The following RALGAPA1 variants were observed in gnomAD, a reference collection of about 807,000 sequenced individuals.
The protein encoded by RALGAPA1 is ral GTPase-activating protein subunit alpha-1.
In RALGAPA1, 52 loss-of-function variants were observed where a neutral mutation model predicts 269.6. That is an observed-to-expected ratio of 0.19 (90% CI 0.15 to 0.24). RALGAPA1 has a LOEUF of 0.24. Ranked by LOEUF, RALGAPA1 falls within the 10% of genes least tolerant of loss-of-function variation. RALGAPA1 has a pLI of 1.00. For synonymous variants in RALGAPA1, 817 were observed against 1,008.3 expected, an observed-to-expected ratio of 0.81 and a Z score of 3.60; for missense variants, 1,917 against 3,013.9, an observed-to-expected ratio of 0.64 and a Z score of 8.52.
chr14:35,662,661 C>T (rs1267240672), intron 27 of RALGAPA1, among the ~76,000 whole-genome samples: 1 of 152,044 alleles, frequency 6.6e-6, no homozygotes, highest in African/African-American at 2.4e-5. Flanking sequence ...ATATAGTAGG[C>T]GAGGCTAACC....
intron 17 of RALGAPA1, among the ~76,000 whole-genome samples, chr14:35,691,905 T>C (rs1446589149): frequency 6.6e-6 from 1 of 152,160 alleles, no homozygotes; most frequent in Non-Finnish European, 1.5e-5. Context: ...AAAATGACAT[T>C]GTTTTTCTTC....
chr14:35,788,785 G>C (rs1202597560), intron 1 of RALGAPA1, among the ~76,000 whole-genome samples: 1 of 151,956 alleles, frequency 6.6e-6, no homozygotes, highest in Non-Finnish European at 1.5e-5. Flanking sequence ...TTACATTATG[G>C]ACCTTAGTTT....
At chr14:35,555,774 G>A (rs1454171786) in intron 39 of RALGAPA1, among the ~76,000 whole-genome samples, 2 of 152,162 alleles carry the variant, frequency 1.3e-5, no homozygotes, top group African/African-American at 4.8e-5. Flanking sequence ...AGCTGCTGAT[G>A]GATAGAGCTG....
At chr14:35,644,110 T>C (rs1465224977) in intron 31 of RALGAPA1, among the ~76,000 whole-genome samples, 12 of 152,182 alleles carry the variant, frequency 7.9e-5, no homozygotes, top group Admixed American at 7.9e-4. Flanking sequence ...TCCTGACATA[T>C]TATGCACTGT....
At chr14:35,719,268 G>A (rs1243061058) in intron 16 of RALGAPA1, among the ~76,000 whole-genome samples, 1 of 152,154 alleles carries the variant, frequency 6.6e-6, no homozygotes, top group Non-Finnish European at 1.5e-5. Context: ...AGAGGTTACA[G>A]TGAGCTGGGA....
chr14:35,731,928 T>C (rs527381486), intron 12 of RALGAPA1, among the ~76,000 whole-genome samples: 51 of 152,282 alleles, frequency 3.3e-4, no homozygotes, highest in African/African-American at 1.1e-3. Flanking sequence ...CCTAGGCACA[T>C]TGTCATCAGG....
chr14:35,623,729 G>A (rs925719829), intron 35 of RALGAPA1, among the ~76,000 whole-genome samples: 1 of 152,028 alleles, frequency 6.6e-6, no homozygotes, highest in Non-Finnish European at 1.5e-5. Flanking sequence ...TCTATCCTGC[G>A]GCAAGAAATT....
At chr14:35,578,964 C>A (rs372641554) in intron 37 of RALGAPA1, among the ~76,000 whole-genome samples, 2 of 152,046 alleles carry the variant, frequency 1.3e-5, no homozygotes, top group East Asian at 1.9e-4. Context: ...CAAAAATAAA[C>A]AAGGTAAACT....
chr14:35,639,387 A>G (rs1252782893), intron 31 of RALGAPA1, among the ~76,000 whole-genome samples: 2 of 152,206 alleles, frequency 1.3e-5, no homozygotes, highest in Non-Finnish European at 2.9e-5. Flanking sequence ...ACAGAAAATC[A>G]ACAGAGACAT....
chr14:35,572,036 T>C (rs568954834), intron 38 of RALGAPA1, among the ~76,000 whole-genome samples: 1 of 152,290 alleles, frequency 6.6e-6, no homozygotes, highest in East Asian at 1.9e-4. Context: ...AAGAAAATAT[T>C]TCTGCAATAG....
At chr14:35,767,023 G>A (rs1305586596) in intron 4 of RALGAPA1, 1 of 358,412 alleles carries the variant, frequency 2.8e-6, no homozygotes, top group Non-Finnish European at 5.4e-6. Context: ...AACAAGTAAA[G>A]TTTCCTGTTA....
intron 16 of RALGAPA1, among the ~76,000 whole-genome samples, chr14:35,704,829 A>G (rs1044980137): frequency 6.6e-6 from 1 of 152,120 alleles, no homozygotes; most frequent in Non-Finnish European, 1.5e-5. Context: ...TAATTCATAA[A>G]AGAGAAATGT....
chr14:35,772,439 A>G (rs1595505087), intron 3 of RALGAPA1, among the ~76,000 whole-genome samples: 1 of 152,310 alleles, frequency 6.6e-6, no homozygotes, highest in East Asian at 1.9e-4. Context: ...AAATCTTTAC[A>G]CAAATATGTT....
At chr14:35,741,784 A>T (rs2071576343) in intron 11 of RALGAPA1, among the ~76,000 whole-genome samples, 1 of 152,210 alleles carries the variant, frequency 6.6e-6, no homozygotes, top group South Asian at 2.1e-4. Flanking sequence ...GAATAAATGG[A>T]ACCCCAGGAA....
intron 12 of RALGAPA1, among the ~76,000 whole-genome samples, chr14:35,737,698 G>A (rs1361526646): frequency 1.5e-5 from 2 of 132,194 alleles, no homozygotes; most frequent in Non-Finnish European, 1.5e-5. Flanking sequence ...GGCAGAGGTT[G>A]CAGTGAGCCG....
Position 35,627,590 on chromosome 14 carries a change from C to A in RALGAPA1, c.6357G>T (p.Leu2119=). 1 of 1,567,450 alleles carries A rather than the reference C, an allele frequency of 6.4e-7. No homozygotes were observed. Among genetic ancestry groups the A allele is most frequent in the South Asian group, 1.2e-5 (1 of 82,352 alleles). ...SGKYSWDSAI[L]YGPPPVSGLS... ...AGCCACTTACAGGAGGTGGGCCATACAGTATAGCAGAATCCCATGAATATT... is the reference window on the plus strand; with the variant it reads ...AGCCACTTACAGGAGGTGGGCCATAAAGTATAGCAGAATCCCATGAATATT... The change falls in exon 34 of 42, where the codon CTG becomes CTT. Residue 2119 remains leucine, a synonymous_variant. Coordinates refer to ENST00000680220, the MANE Select transcript of RALGAPA1 (RefSeq NM_001346249.2).
intron 6 of RALGAPA1, among the ~76,000 whole-genome samples, chr14:35,758,112 C>T (rs908900493): frequency 6.6e-6 from 1 of 151,652 alleles, no homozygotes; most frequent in African/African-American, 2.4e-5. Context: ...TTTAGCCTGG[C>T]GTGGTGGCAC....
chr14:35,769,885 A>G (rs141844229), intron 4 of RALGAPA1, among the ~76,000 whole-genome samples: 2 of 152,190 alleles, frequency 1.3e-5, no homozygotes, highest in African/African-American at 2.4e-5. Flanking sequence ...TTTAAAGAAG[A>G]AAATGTTACC....
At chr14:35,699,955 A>G (rs549859815) in intron 17 of RALGAPA1, among the ~76,000 whole-genome samples, 2 of 152,086 alleles carry the variant, frequency 1.3e-5, no homozygotes, top group South Asian at 4.1e-4. Context: ...TTGGCACAGC[A>G]CTAAACTTAG....
Sources: gnomAD v4.1 joint callset for allele counts (sites outside exome capture counted in the v4.1 genomes callset) on GRCh38, gnomAD v4.1.1 for gene constraint, MANE v1.5 for transcripts, NCBI Gene and HGNC (gene_info 2026-07-23, HGNC 2026-07-21) for gene names.